Variants in FAM199X observed in about 807,000 individuals in gnomAD.
FAM199X encodes the protein family with sequence similarity 199, X-linked, also known as protein FAM199X.
Under a neutral mutation model 22.9 loss-of-function variants are expected in FAM199X, and 4 were observed. That is an observed-to-expected ratio of 0.17 (90% confidence interval 0.09 to 0.40). The LOEUF (loss-of-function observed/expected upper bound fraction) is 0.40. FAM199X is among the 10% of genes least tolerant of loss of function. The pLI, the probability that FAM199X is intolerant of heterozygous loss-of-function variation, is 1.00. For synonymous variants in FAM199X, 101 were observed against 112.3 expected, an observed-to-expected ratio of 0.90 and a Z score of 0.64; for missense variants, 183 against 306.8, an observed-to-expected ratio of 0.60 and a Z score of 3.01.
At chrX:104,181,893 T>C (rs1556377926) in intron 2 of FAM199X, among the ~76,000 whole-genome samples, 1 of 111,662 alleles carries the variant, frequency 9.0e-6, no homozygotes, top group Non-Finnish European at 1.9e-5. Flanking sequence ...ACCTGAAATG[T>C]CACCAATTTT....
intron 2 of FAM199X, among the ~76,000 whole-genome samples, chrX:104,177,018 A>G (rs193187257): frequency 9.0e-6 from 1 of 111,648 alleles, no homozygotes; most frequent in East Asian, 2.8e-4. Context: ...TGAAATGTAT[A>G]ATTCAGTAGT....
At chrX:104,174,024 C>T (rs183611395) in intron 1 of FAM199X, among the ~76,000 whole-genome samples, 1 of 111,371 alleles carries the variant, frequency 9.0e-6, no homozygotes, top group African/African-American at 3.3e-5. Context: ...CCTGTAATTC[C>T]AGTGGTTTGG....
rs1442934409 is a variant in FAM199X, at chrX:104,191,106, C to T, written c.*1328C>T. On this transcript the variant is annotated 3_prime_UTR_variant, in exon 6 of 6. Transcript: ENST00000493442. The stretch of plus-strand genomic sequence containing the variant: ...TAGCATTTTGAAGGTGACCGTGATT[C>T]TGTAGGAAGAGCTGTAATCAATATT... 18 of 111,344 alleles carry T rather than the reference C, an allele frequency of 1.6e-4. No homozygotes were observed. In the Admixed American group the frequency reaches 1.7e-3, roughly 11 times the overall value. The allele number at this position is 111,344 out of a possible 1,213,427, so 9.2% of individuals were successfully genotyped here.
chrX:104,170,530 G>T (rs1039731200), intron 1 of FAM199X, among the ~76,000 whole-genome samples: 6 of 111,873 alleles, frequency 5.4e-5, no homozygotes, highest in Admixed American at 9.5e-5. Context: ...GGGAAAGAAA[G>T]GAGAAGGGGA....
At chrX:104,184,138 T>C (rs893033975) in intron 2 of FAM199X, among the ~76,000 whole-genome samples, 11 of 112,376 alleles carry the variant, frequency 9.8e-5, no homozygotes, top group African/African-American at 3.2e-4. Flanking sequence ...TGTATGTCTG[T>C]GTTATTGTAT....
chrX:104,173,108 A>G (rs782083066), intron 1 of FAM199X, among the ~76,000 whole-genome samples: 18 of 111,260 alleles, frequency 1.6e-4, no homozygotes, highest in African/African-American at 4.9e-4. Context: ...GTAGCTGGGA[A>G]TACAGACATG....
chrX:104,172,528 G>A (rs1415859796), intron 1 of FAM199X, among the ~76,000 whole-genome samples: 2 of 111,300 alleles, frequency 1.8e-5, no homozygotes, highest in African/African-American at 6.5e-5. Flanking sequence ...TTTACTTGCT[G>A]CTGATAATTA....
At chrX:104,169,637 G>T (rs1003507314) in intron 1 of FAM199X, among the ~76,000 whole-genome samples, 22 of 111,429 alleles carry the variant, frequency 2.0e-4, no homozygotes, top group African/African-American at 6.5e-4. Flanking sequence ...GCACAATCTT[G>T]GCTTAGGGCA....
the FAM199X span, among the ~76,000 whole-genome samples, chrX:104,159,200 A>G: frequency 8.9e-6 from 1 of 112,353 alleles, no homozygotes; most frequent in African/African-American, 3.2e-5. Context: ...ACGAGCCAAC[A>G]AGAGTGTCTC....
At chrX:104,165,884 TTAGCAGGGGAGAAA>T (rs1921159784), upstream of FAM199X, among the ~76,000 whole-genome samples, 3 of 111,135 alleles carry the variant, frequency 2.7e-5, no homozygotes, top group African/African-American at 9.8e-5. Context: ...GTTTGAAGGA[TTAGCAGGGGAGAAA>T]TGGCAGGGCA....
chrX:104,188,489 C>T (rs1379123702), intron 5 of FAM199X, among the ~76,000 whole-genome samples, 183 bp downstream of exon 5: 3 of 111,422 alleles, frequency 2.7e-5, no homozygotes, highest in Non-Finnish European at 5.7e-5. Context: ...CTTTGAAATG[C>T]TGTTTTGACC....
rs1285423734 is a variant in FAM199X at position 104,192,565 on chromosome X, C to G, written c.*2787C>G. On this transcript the variant is annotated 3_prime_UTR_variant, in exon 6 of 6. Coordinates refer to ENST00000493442, the MANE Select transcript of FAM199X (RefSeq NM_207318.4). ...ACAGCTTTCTAAAGGATGAGACTTG[C>G]ATTTAACAAAATGACATATATAATA... 1.8e-5 allele frequency: 2 copies of G among 111,555 alleles called. No individual in the cohort carries two copies. The highest frequency in any genetic ancestry group is 6.5e-5 in the African/African-American group (2 of 30,832). 9.2% of individuals were successfully genotyped at this position (111,555 alleles called of 1,213,427 possible).
Position 104,195,387 on chromosome X carries a change from A to T in FAM199X, c.*5609A>T, listed in dbSNP as rs1167182793. On this transcript the variant is annotated 3_prime_UTR_variant, in exon 6 of 6. Coordinates refer to ENST00000493442, the MANE Select transcript of FAM199X (RefSeq NM_207318.4). ...AACTTTTATTTGGTGAAAGCCCCAGATACCCAAATGTCATTGGCAAAACTT... is the reference window on the plus strand; with the variant it reads ...AACTTTTATTTGGTGAAAGCCCCAGTTACCCAAATGTCATTGGCAAAACTT... 1 of 111,232 alleles carries T rather than the reference A, an allele frequency of 9.0e-6. No individual in the cohort carries two copies. The highest frequency in any genetic ancestry group is 9.7e-5 in the Admixed American group (1 of 10,347). 9.2% of individuals were successfully genotyped at this position (111,232 alleles called of 1,213,427 possible). A position where few individuals can be genotyped will look rare whatever the true frequency, so the allele number is the denominator to read the frequency against.
rs782139588 is a variant in FAM199X, at chrX:104,192,830, T to C, written c.*3052T>C. 1.3e-4 allele frequency: 15 copies of C among 111,731 alleles called. No individual in the cohort carries two copies. Among genetic ancestry groups the C allele is most frequent in the Non-Finnish European group, 2.6e-4 (14 of 52,961 alleles). The allele number at this position is 111,731 out of a possible 1,213,427, so 9.2% of individuals were successfully genotyped here. A position where few individuals can be genotyped will look rare whatever the true frequency, so the allele number is the denominator to read the frequency against. ...ACTGACCTATAAAATAATGACTCAT[T>C]ATAGATTGGGTGAACTTCTCATTTT... On this transcript the variant is annotated 3_prime_UTR_variant, in exon 6 of 6. Coordinates refer to ENST00000493442, the MANE Select transcript of FAM199X (RefSeq NM_207318.4).
rs782313122 is a variant in FAM199X at position 104,192,300 on chromosome X, A to G, written c.*2522A>G. 40 of 111,943 alleles carry G rather than the reference A, an allele frequency of 3.6e-4. No homozygotes were observed. Among genetic ancestry groups the G allele is most frequent in the Non-Finnish European group, 7.5e-4 (40 of 52,993 alleles). 9.2% of individuals were successfully genotyped at this position (111,943 alleles called of 1,213,427 possible). On this transcript the variant is annotated 3_prime_UTR_variant, in exon 6 of 6. Transcript: ENST00000493442. ...GGTGTATCTCTGAGTTCAATTTAAA[A>G]CAATCCAACTCAGTAATATTTATTT... is the stretch of plus-strand genomic sequence containing the variant.
chrX:104,183,247 ATC>A (rs1556378305), intron 2 of FAM199X, among the ~76,000 whole-genome samples: 2 of 109,043 alleles, frequency 1.8e-5, no homozygotes, highest in South Asian at 4.0e-4. Flanking sequence ...GATAAGAAGT[ATC>A]TCTTTTTTTT....
In FAM199X at chrX:104,166,608, T is replaced by C; in HGVS notation, c.-178T>C. On this transcript the variant is annotated 5_prime_UTR_variant, in exon 1 of 6. Coordinates refer to ENST00000493442, the MANE Select transcript of FAM199X (RefSeq NM_207318.4). ...GGCCGCTGTGGCCTCGAGCAGCCTC[T>C]TCGCGCGGCCCCGCACCCCGGCAAG... The C allele has an allele frequency of 2.6e-6, 1 of 382,855 alleles. No homozygotes were observed. The highest frequency in any genetic ancestry group is 7.6e-4 in the Middle Eastern group (1 of 1,323). 31.6% of individuals were successfully genotyped at this position (382,855 alleles called of 1,213,427 possible). A position where few individuals can be genotyped will look rare whatever the true frequency, so the allele number is the denominator to read the frequency against.
upstream of FAM199X, among the ~76,000 whole-genome samples, chrX:104,165,638 A>AT (rs1416171073): frequency 9.1e-5 from 10 of 109,822 alleles, no homozygotes; most frequent in South Asian, 3.8e-4. Context: ...GGTTTCCTCT[A>AT]TTTTTTTTTA....
At chrX:104,178,530 C>G (rs781962277) in intron 2 of FAM199X, among the ~76,000 whole-genome samples, 17 of 111,459 alleles carry the variant, frequency 1.5e-4, no homozygotes, top group East Asian at 5.7e-4. Context: ...ATCCTCTCAC[C>G]TCATCCTCCT....
Sources: gnomAD v4.1 joint callset for allele counts (sites outside exome capture counted in the v4.1 genomes callset) on GRCh38, gnomAD v4.1.1 for gene constraint, MANE v1.5 for transcripts, NCBI Gene and HGNC (gene_info 2026-07-23, HGNC 2026-07-21) for gene names.